SYTL4: variants seen among roughly 807,000 people sequenced by gnomAD.
SYTL4 encodes the protein synaptotagmin-like protein 4.
Under a neutral mutation model 52.7 loss-of-function variants are expected in SYTL4, and 16 were observed. The ratio of observed to expected loss-of-function variants is 0.30; its 90% CI spans 0.21 to 0.46. The LOEUF (loss-of-function observed/expected upper bound fraction) is 0.46. SYTL4 is among the 20% of genes least tolerant of loss of function. The pLI is 1.00. For synonymous variants in SYTL4, 160 were observed against 186.6 expected, an observed-to-expected ratio of 0.86 and a Z score of 1.16; for missense variants, 423 against 519.9, an observed-to-expected ratio of 0.81 and a Z score of 1.81.
chrX:100,715,891 T>C (rs1312093310), intron 2 of SYTL4, among the ~76,000 whole-genome samples: 9 of 101,772 alleles, frequency 8.8e-5, no homozygotes, highest in African/African-American at 3.3e-4. Context: ...TGAGCCAAGA[T>C]TGGGCCACTG....
chrX:100,712,282 C>T (rs1468625395), intron 2 of SYTL4, among the ~76,000 whole-genome samples: 1 of 111,801 alleles, frequency 8.9e-6, no homozygotes, highest in African/African-American at 3.2e-5. Flanking sequence ...AAAATATAAT[C>T]GACCGTTTAA....
At chrX:100,710,453 T>C (rs1355322950) in intron 2 of SYTL4, among the ~76,000 whole-genome samples, 2 of 112,066 alleles carry the variant, frequency 1.8e-5, no homozygotes, top group Non-Finnish European at 3.8e-5. Context: ...AGAAATGTGA[T>C]GGTGTCTACA....
chrX:100,684,465 G>C (rs2083438589), intron 16 of SYTL4, among the ~76,000 whole-genome samples: 1 of 110,815 alleles, frequency 9.0e-6, no homozygotes, highest in African/African-American at 3.3e-5. Flanking sequence ...GCCTATTAGT[G>C]GGGGAATGGT....
chrX:100,726,458 A>T (rs888490565), intron 2 of SYTL4, among the ~76,000 whole-genome samples: 1 of 109,900 alleles, frequency 9.1e-6, no homozygotes, highest in Non-Finnish European at 1.9e-5. Context: ...CTCTCTCAAA[A>T]TCCTGTCCCT....
In SYTL4 at chrX:100,694,433, C is replaced by T. The variant is rs769361062; in HGVS notation, c.540-3224G>A. Among the ~76,000 whole-genome samples, 10 of 111,592 alleles carry T rather than the reference C, an allele frequency of 9.0e-5. No individual in the cohort carries two copies. In the South Asian group the frequency reaches 3.4e-3, roughly 38 times the overall value. On this transcript the variant is annotated intron_variant, in intron 8 of 19. Transcript: ENST00000372989. ...ACCTCCTTCTTTCTCTATCTACATG[C>T]TCTTCCCCCAGATACCCTAAGGGTT...
chrX:100,712,121 C>T (rs1236117291), intron 2 of SYTL4, among the ~76,000 whole-genome samples: 1 of 111,371 alleles, frequency 9.0e-6, no homozygotes, highest in Non-Finnish European at 1.9e-5. Context: ...CACCAGCAGA[C>T]CTGCACTATA....
intron 2 of SYTL4, among the ~76,000 whole-genome samples, chrX:100,723,637 A>T (rs1475285259): frequency 9.1e-6 from 1 of 109,571 alleles, no homozygotes; most frequent in Non-Finnish European, 1.9e-5. Flanking sequence ...CTAGGCAGTG[A>T]GGAGCGTCTC....
chrX:100,687,190 A>G lies in SYTL4; in HGVS notation c.1061T>C (p.Ile354Thr). The change falls in exon 14 of 20, where the codon ATC becomes ACC. Residue 354 changes from isoleucine (I) to threonine (T), a missense_variant. Coordinates refer to ENST00000372989, the MANE Select transcript of SYTL4 (RefSeq NM_001370165.1). ...IYSEAGDFGNIFVTGRIAFSL... is the reference protein window; with the variant it reads ...IYSEAGDFGNTFVTGRIAFSL... Reference sequence around the variant, plus strand: ...AAAGGCAATCCTGCCAGTCACAAAGATGTTCCCGAAATCACCAGCTTCACT... The same window carrying G: ...AAAGGCAATCCTGCCAGTCACAAAGGTGTTCCCGAAATCACCAGCTTCACT... The G allele has an allele frequency of 8.3e-7, 1 of 1,211,562 alleles. No individual in the cohort carries two copies. Among genetic ancestry groups the G allele is most frequent in the Non-Finnish European group, 1.1e-6 (1 of 895,338 alleles).
chrX:100,678,188 G>C (rs972934336), intron 19 of SYTL4, among the ~76,000 whole-genome samples: 3 of 111,647 alleles, frequency 2.7e-5, no homozygotes, highest in African/African-American at 9.8e-5. Context: ...ACATTTATCT[G>C]TGCACATATC....
At chrX:100,689,147 C>T (rs1602779781) in intron 12 of SYTL4, among the ~76,000 whole-genome samples, 2 of 102,080 alleles carry the variant, frequency 2.0e-5, no homozygotes, top group African/African-American at 7.2e-5. Context: ...CAGAGGCGGG[C>T]GGATCACTTG....
At chrX:100,711,024 C>T (rs1208818547) in intron 2 of SYTL4, among the ~76,000 whole-genome samples, 1 of 112,049 alleles carries the variant, frequency 8.9e-6, no homozygotes, top group Non-Finnish European at 1.9e-5. Context: ...AAGAATAGTG[C>T]CTGTTTCCGC....
chrX:100,687,350 A>G, intron 13 of SYTL4, 105 bp from the exon 14 acceptor site: 1 of 720,013 alleles, frequency 1.4e-6, no homozygotes, highest in East Asian at 3.2e-5. Context: ...CAGAAGTTTC[A>G]GAAGCCCCTG....
At chrX:100,710,412 A>G (rs887365417) in intron 2 of SYTL4, among the ~76,000 whole-genome samples, 1 of 112,136 alleles carries the variant, frequency 8.9e-6, no homozygotes, top group African/African-American at 3.2e-5. Flanking sequence ...ACTTTTGAAC[A>G]TGGGTATTCA....
intron 2 of SYTL4, among the ~76,000 whole-genome samples, chrX:100,730,852 TAAAC>T (rs1018120635): frequency 4.8e-5 from 5 of 104,506 alleles, no homozygotes; most frequent in Non-Finnish European, 9.7e-5. Context: ...GTCTCTGCAT[TAAAC>T]ATTGTTCCCA....
At chrX:100,723,728 C>T (rs1318143689) in intron 2 of SYTL4, among the ~76,000 whole-genome samples, 5 of 109,346 alleles carry the variant, frequency 4.6e-5, no homozygotes, top group African/African-American at 1.3e-4. Context: ...CGTCTCTGCC[C>T]GGCCGCCCCG....
At chrX:100,715,483 T>C (rs2084182876) in intron 2 of SYTL4, among the ~76,000 whole-genome samples, 1 of 111,985 alleles carries the variant, frequency 8.9e-6, no homozygotes, top group Non-Finnish European at 1.9e-5. Flanking sequence ...ATTCTACAAA[T>C]TGCCATATAT....
chrX:100,701,799 G>A (rs1452026724), intron 5 of SYTL4, 126 bp from the exon 6 acceptor site: 12 of 821,749 alleles, frequency 1.5e-5, no homozygotes, highest in African/African-American at 4.1e-5. Context: ...AGAGCCCAGC[G>A]TGACCCAATA....
rs147105111 is a variant in SYTL4, at chrX:100,697,235, T to G, written c.539+3662A>C. ...CAGGTAAGCCCTGAACCAGGACATT[T>G]AAGAGAATTTCATGAGACCAAAACT... On this transcript the variant is annotated intron_variant, in intron 8 of 19. Coordinates refer to ENST00000372989, the MANE Select transcript of SYTL4 (RefSeq NM_001370165.1). Among the ~76,000 whole-genome samples, 5 of 111,864 alleles carry G rather than the reference T, an allele frequency of 4.5e-5. No individual in the cohort carries two copies. The East Asian group carries it at 1.4e-3, about 31-fold the overall frequency.
chrX:100,714,055 T>C (rs1448406653), intron 2 of SYTL4, among the ~76,000 whole-genome samples: 2 of 111,121 alleles, frequency 1.8e-5, no homozygotes, highest in East Asian at 2.8e-4. Flanking sequence ...TGGTGATAGT[T>C]TCATGGATAT....
Sources: allele counts gnomAD v4.1 joint callset (sites outside exome capture counted in the v4.1 genomes callset), GRCh38; gene constraint gnomAD v4.1.1; transcripts MANE v1.5; gene names NCBI Gene and HGNC (gene_info 2026-07-23, HGNC 2026-07-21).